Variants in PCDHGA2 observed in about 807,000 individuals in gnomAD.
The protein encoded by PCDHGA2 is protocadherin gamma subfamily A, 2.
A neutral mutation model predicts 59.2 loss-of-function variants in PCDHGA2; 40 were observed. The observed-to-expected ratio is 0.68, with a 90% CI of 0.52 to 0.88. PCDHGA2 has a LOEUF of 0.88. Among genes scored for constraint, PCDHGA2 ranks in the 40% least tolerant of loss-of-function variants. PCDHGA2 has a pLI of 0.00. For synonymous variants in PCDHGA2, 560 were observed against 526.0 expected (o/e 1.06, Z -0.89); for missense variants, 1,226 against 1,204.0 (o/e 1.02, Z -0.27).
chr5:141,403,544 C>A (rs1300060255), intron 1 of PCDHGA2: 2 of 1,613,970 alleles, frequency 1.2e-6, no homozygotes, highest in South Asian at 1.1e-5. Flanking sequence ...GGTGCTGGAG[C>A]GCGCCCTGGA....
intron 1 of PCDHGA2, chr5:141,389,998 T>G: frequency 6.2e-7 from 1 of 1,614,046 alleles, no homozygotes; most frequent in Non-Finnish European, 8.5e-7. Flanking sequence ...CTCGTGGCCA[T>G]GATTCTGGCC....
chr5:141,391,206 C>G (rs1004320707), intron 1 of PCDHGA2: 14 of 152,076 alleles, frequency 9.2e-5, no homozygotes, highest in African/African-American at 3.4e-4. Flanking sequence ...TACAAAATAC[C>G]AAGGAACATT....
rs772264177 is a variant in PCDHGA2 at position 141,376,458 on chromosome 5, T to C, written c.2424+35063T>C. On this transcript the variant is annotated intron_variant, in intron 1 of 3. Coordinates refer to ENST00000394576, the MANE Select transcript of PCDHGA2 (RefSeq NM_018915.4). Reference sequence around the variant, plus strand: ...AGCTATGAGAAAAGCGAGCCTCTTCTGATAACTCAGGATTTACTTGAAACG... The same window carrying C: ...AGCTATGAGAAAAGCGAGCCTCTTCCGATAACTCAGGATTTACTTGAAACG... 14 of 1,614,106 alleles carry C rather than the reference T, an allele frequency of 8.7e-6. No individual in the cohort carries two copies. In the African/African-American group the frequency reaches 1.5e-4, roughly 17 times the overall value.
At chr5:141,443,029 C>T (rs1281303741) in intron 1 of PCDHGA2, among the ~76,000 whole-genome samples, 3 of 152,192 alleles carry the variant, frequency 2.0e-5, no homozygotes, top group Non-Finnish European at 2.9e-5. Flanking sequence ...AGTTGCCAGA[C>T]CTAAACTTTG....
chr5:141,478,073 G>A (rs756198123), intron 1 of PCDHGA2: 1 of 1,614,098 alleles, frequency 6.2e-7, no homozygotes, highest in Admixed American at 1.7e-5. Context: ...AGACAATGGG[G>A]AGCCTTCGCT....
At chr5:141,426,779 T>G in intron 1 of PCDHGA2, 6 of 456,698 alleles carry the variant, frequency 1.3e-5, no homozygotes, top group Non-Finnish European at 1.8e-5. Context: ...GGCCTCACTC[T>G]CTCCAGAGTT....
rs188953728 is a variant in PCDHGA2, at chr5:141,448,550, T to A, written c.2425-46257T>A. Among the ~76,000 whole-genome samples, 304 of 152,316 alleles carry A rather than the reference T, an allele frequency of 2.0e-3. 1 individual carries two copies. Among genetic ancestry groups the A allele is most frequent in the African/African-American group, 6.6e-3 (275 of 41,578 alleles). On this transcript the variant is annotated intron_variant, in intron 1 of 3. Transcript: ENST00000394576. ...CCTGTCAGCATTTCTTATGCAAATA[T>A]GTACATATATTTTTATTTCCCCATT...
At chr5:141,447,182 C>G (rs1205769161) in intron 1 of PCDHGA2, among the ~76,000 whole-genome samples, 1 of 152,126 alleles carries the variant, frequency 6.6e-6, no homozygotes, top group Non-Finnish European at 1.5e-5. Flanking sequence ...TCTTGTCGCG[C>G]AGGCTGGAGT....
chr5:141,339,727 G>A lies in PCDHGA2; in HGVS notation c.756G>A (p.Pro252=), dbSNP rs765859037. ...AGCCCGAGTACCGCATAAGCATTCC[G>A]GAGAATACGCTCGTGGGCACCCGGA... ...FTQPEYRISI[P]ENTLVGTRIL... Residue 252 remains proline, a synonymous_variant, in exon 1 of 4, where the codon CCG becomes CCA. Coordinates refer to ENST00000394576, the MANE Select transcript of PCDHGA2 (RefSeq NM_018915.4). 3.0e-5 allele frequency: 49 copies of A among 1,613,974 alleles called. No individual in the cohort carries two copies. The highest frequency in any genetic ancestry group is 3.8e-5 in the Non-Finnish European group (45 of 1,179,998).
chr5:141,419,177 C>T (rs1223789288), intron 1 of PCDHGA2: 8 of 1,613,862 alleles, frequency 5.0e-6, no homozygotes, highest in Admixed American at 1.7e-5. Flanking sequence ...AACCATAACC[C>T]TGCACATTAC....
chr5:141,357,839 G>A, intron 1 of PCDHGA2: 1 of 640,618 alleles, frequency 1.6e-6, no homozygotes, highest in East Asian at 3.0e-5. Context: ...TCATTCAGTT[G>A]TAGTTTCAGC....
chr5:141,491,048 C>G lies in PCDHGA2; in HGVS notation c.2425-3759C>G. On this transcript the variant is annotated intron_variant, in intron 1 of 3. Coordinates refer to ENST00000394576, the MANE Select transcript of PCDHGA2 (RefSeq NM_018915.4). The surrounding 1 kb of genome is among the most constrained non-coding windows in gnomAD (Gnocchi z 6.9). ...GTGGATGCTGATGCAGGCCACAATGCGTGGCTCTCCTACTCACTGTTGCCA... is the reference window on the plus strand; with the variant it reads ...GTGGATGCTGATGCAGGCCACAATGGGTGGCTCTCCTACTCACTGTTGCCA... 1.2e-6 allele frequency: 2 copies of G among 1,614,066 alleles called. No individual in the cohort carries two copies. Among genetic ancestry groups the G allele is most frequent in the Non-Finnish European group, 8.5e-7 (1 of 1,179,952 alleles).
chr5:141,418,822 A>C (rs780172404), intron 1 of PCDHGA2: 9 of 1,613,988 alleles, frequency 5.6e-6, no homozygotes, highest in Non-Finnish European at 7.6e-6. Flanking sequence ...ACATAGAAGC[A>C]AAAGACCGAG....
chr5:141,450,006 C>CTATTTTTTT (rs70988802), intron 1 of PCDHGA2, among the ~76,000 whole-genome samples: 8 of 132,970 alleles, frequency 6.0e-5, no homozygotes, highest in African/African-American at 8.4e-5. Context: ...TGCCATGTCT[C>CTATTTTTTT]TTTTTTTTTT....
At chr5:141,399,479 C>G (rs774561101) in intron 1 of PCDHGA2, 2 of 1,614,032 alleles carry the variant, frequency 1.2e-6, no homozygotes, top group East Asian at 4.5e-5. Context: ...TTCCACCAGG[C>G]GTCCTACTTA....
At chr5:141,385,330 C>A (rs1183163204) in intron 1 of PCDHGA2, 1 of 1,583,780 alleles carries the variant, frequency 6.3e-7, no homozygotes, top group East Asian at 2.2e-5. Flanking sequence ...TCAGGTGAGC[C>A]CAGCCCTTCC....
At chr5:141,357,339 A>C (rs771047184) in intron 1 of PCDHGA2, 2 of 1,613,868 alleles carry the variant, frequency 1.2e-6, no homozygotes, top group Non-Finnish European at 1.7e-6. Context: ...TGCTGCTAGC[A>C]CTCAAGCTGA....
intron 1 of PCDHGA2, among the ~76,000 whole-genome samples, chr5:141,397,380 A>G (rs1469821900): frequency 1.7e-4 from 26 of 152,236 alleles, no homozygotes; most frequent in Non-Finnish European, 3.8e-4. Flanking sequence ...GGGGATTGGT[A>G]TAAAATTGCC....
Position 141,485,448 on chromosome 5 carries a change from G to A in PCDHGA2, c.2425-9359G>A. On this transcript the variant is annotated intron_variant, in intron 1 of 3. Coordinates refer to ENST00000394576, the MANE Select transcript of PCDHGA2 (RefSeq NM_018915.4). This position sits in a 1 kb window ranked among gnomAD's most constrained non-coding sequence, Gnocchi z 5.7. ...CTGCTCATCAAGAACCCAATCGACC[G>A]AGAGGCACTGTGTGGGCTCAGTGCC... is the stretch of plus-strand genomic sequence containing the variant. 1 of 1,614,154 alleles carries A rather than the reference G, an allele frequency of 6.2e-7. No homozygotes were observed.
Sources: gnomAD v4.1 joint callset for allele counts (sites outside exome capture counted in the v4.1 genomes callset) on GRCh38, gnomAD v4.1.1 for gene constraint, Gnocchi (gnomAD v3.1) non-coding constraint, MANE v1.5 for transcripts, NCBI Gene and HGNC (gene_info 2026-07-23, HGNC 2026-07-21) for gene names.